The following SMARCE1 variants were observed in gnomAD, a reference collection of about 807,000 sequenced individuals.
SMARCE1 encodes the protein SWI/SNF-related matrix-associated actin-dependent regulator of chromatin subfamily E member 1.
In SMARCE1, 13 loss-of-function variants were observed where a neutral mutation model predicts 54.9. The ratio of observed to expected loss-of-function variants is 0.24; its 90% CI spans 0.15 to 0.38. The LOEUF is 0.38. Among genes scored for constraint, SMARCE1 ranks in the 10% least tolerant of loss-of-function variants. The pLI is 1.00. For synonymous variants in SMARCE1, 151 were observed against 175.3 expected, an observed-to-expected ratio of 0.86 and a Z score of 1.10; for missense variants, 295 against 523.8, an observed-to-expected ratio of 0.56 and a Z score of 4.26.
chr17:40,636,147 G>T (rs2037144068), intron 6 of SMARCE1, 45 bp from the exon 7 acceptor site: 1 of 1,484,704 alleles, frequency 6.7e-7, no homozygotes, highest in Non-Finnish European at 9.2e-7. Context: ...CATTTTGCAG[G>T]TTATAATGCA....
chr17:40,638,199 G>T (rs1265781005), intron 4 of SMARCE1, among the ~76,000 whole-genome samples: 1 of 152,156 alleles, frequency 6.6e-6, no homozygotes, highest in Non-Finnish European at 1.5e-5. Context: ...TGAATTAAAA[G>T]TCACACATTG....
chr17:40,638,730 G>A (rs538741451), intron 4 of SMARCE1, among the ~76,000 whole-genome samples: 1 of 152,156 alleles, frequency 6.6e-6, no homozygotes. Flanking sequence ...TGCTAGGCTG[G>A]AGAAATGAAG....
chr17:40,641,293 C>T (rs2037198240), intron 4 of SMARCE1: 1 of 152,176 alleles, frequency 6.6e-6, no homozygotes, highest in African/African-American at 2.4e-5. Context: ...GAAATGCATA[C>T]ATACACACAC....
chr17:40,645,434 T>C (rs866084396), intron 3 of SMARCE1, 142 bp downstream of exon 3: 2 of 521,552 alleles, frequency 3.8e-6, no homozygotes, highest in South Asian at 6.8e-5. Context: ...TTTTATTTAG[T>C]AGGAAGTGCT....
At chr17:40,646,518 T>C (rs886219774) in intron 1 of SMARCE1, among the ~76,000 whole-genome samples, 1 of 152,200 alleles carries the variant, frequency 6.6e-6, no homozygotes, top group African/African-American at 2.4e-5. Flanking sequence ...TCCTATACAG[T>C]TTACACAGAT....
Position 40,642,070 on chromosome 17 carries a change from A to G in SMARCE1, c.156+385T>C. ...CAGCCCTGAAAAAGCCAGGTCTGAA[A>G]GACCAGCCTCTACTAGAAACTCAAT... On this transcript the variant is annotated intron_variant, in intron 4 of 10. Coordinates refer to ENST00000348513, the MANE Select transcript of SMARCE1 (RefSeq NM_003079.5). This position sits in a 1 kb window ranked among gnomAD's most constrained non-coding sequence, Gnocchi z 4.6. 3.5e-6 allele frequency: 1 copy of G among 284,232 alleles called. No homozygotes were observed. The highest frequency in any genetic ancestry group is 5.3e-5 in the Admixed American group (1 of 18,830). The allele number at this position is 284,232 out of a possible 1,614,324, so 17.6% of individuals were successfully genotyped here. A position where few individuals can be genotyped will look rare whatever the true frequency, so the allele number is the denominator to read the frequency against.
chr17:40,643,708 G>A (rs2037221180), intron 3 of SMARCE1: 1 of 152,138 alleles, frequency 6.6e-6, no homozygotes, highest in African/African-American at 2.4e-5. Flanking sequence ...AGCTGTAGCT[G>A]TTACAAAATA....
chr17:40,631,137 A>G, intron 9 of SMARCE1: 4 of 510,524 alleles, frequency 7.8e-6, no homozygotes, highest in Non-Finnish European at 1.4e-5. Flanking sequence ...GCAGTTGTAT[A>G]ATATAGGATA....
rs2143988592 is a variant in SMARCE1, at chr17:40,632,354, G to A, written c.555C>T (p.Gly185=). 1 of 1,613,872 alleles carries A rather than the reference G, an allele frequency of 6.2e-7. No individual in the cohort carries two copies. The highest frequency in any genetic ancestry group is 1.1e-5 in the South Asian group (1 of 91,052). ...PAEDPDDYDD[G]FSMKHTATAR... ...CGGTGGCTGTATGCTTCATTGAAAA[G>A]CCATCATCATAATCTGGAGTGAACA... The change falls in exon 8 of 11, where the codon GGC becomes GGT. Residue 185 remains glycine, a synonymous_variant. Transcript: ENST00000348513.
chr17:40,638,923 T>C (rs1454833103), intron 4 of SMARCE1, among the ~76,000 whole-genome samples: 3 of 152,164 alleles, frequency 2.0e-5, no homozygotes, highest in Admixed American at 1.3e-4. Context: ...GGGATTAGCA[T>C]GTTTGTGTCC....
intron 10 of SMARCE1, 159 bp downstream of exon 10, chr17:40,630,555 A>G (rs2037082841): frequency 5.9e-6 from 4 of 681,364 alleles, no homozygotes; most frequent in Non-Finnish European, 1.1e-5. Flanking sequence ...AAGCATTTAA[A>G]GGTTAAAATA....
chr17:40,628,672 G>T lies in SMARCE1; in HGVS notation c.*113C>A. 1.3e-6 allele frequency: 1 copy of T among 756,912 alleles called. No individual in the cohort carries two copies. Among genetic ancestry groups the T allele is most frequent in the Non-Finnish European group, 2.2e-6 (1 of 453,532 alleles). The allele number at this position is 756,912 out of a possible 1,614,324, so 46.9% of individuals were successfully genotyped here. A position where few individuals can be genotyped will look rare whatever the true frequency, so the allele number is the denominator to read the frequency against. On this transcript the variant is annotated 3_prime_UTR_variant, in exon 11 of 11. Transcript: ENST00000348513. Reference sequence around the variant, plus strand: ...GCTAAATGGTCCAAAAGCCTTTGGTGGTGTGATATGGACAAGAAAAAAAAT... The same window carrying T: ...GCTAAATGGTCCAAAAGCCTTTGGTTGTGTGATATGGACAAGAAAAAAAAT...
In SMARCE1 at chr17:40,627,404, A is replaced by G. The variant is rs1175747160; in HGVS notation, c.*1381T>C. 1 of 152,230 alleles carries G rather than the reference A, an allele frequency of 6.6e-6. No homozygotes were observed. Among genetic ancestry groups the G allele is most frequent in the East Asian group, 1.9e-4 (1 of 5,198 alleles). 9.4% of individuals were successfully genotyped at this position (152,230 alleles called of 1,614,324 possible). A position where few individuals can be genotyped will look rare whatever the true frequency, so the allele number is the denominator to read the frequency against. On this transcript the variant is annotated 3_prime_UTR_variant, in exon 11 of 11. Coordinates refer to ENST00000348513, the MANE Select transcript of SMARCE1 (RefSeq NM_003079.5). ...TTATCATTTAGCCATTCTTTCAAAG[A>G]TAATTCAAACGTTACAGATTTCTCC... is the stretch of plus-strand genomic sequence containing the variant.
At position 40,645,848 on chromosome 17, in the gene SMARCE1, CTAAAA is replaced by C; in HGVS notation, c.-45-6_-45-2del. 1.2e-6 allele frequency: 1 copy of C among 847,416 alleles called. No homozygotes were observed. Among genetic ancestry groups the C allele is most frequent in the Non-Finnish European group, 1.6e-6 (1 of 611,766 alleles). The allele number at this position is 847,416 out of a possible 1,614,324, so 52.5% of individuals were successfully genotyped here. ...GTTCCTTAAGAATGAATCTGAGACA[CTAAAA>C]TAAAAAAAAAAGGAAAAAAAAAAGA... On this transcript the variant is annotated splice_acceptor_variant and splice_polypyrimidine_tract_variant and intron_variant, in intron 1 of 10. Transcript: ENST00000348513. LOFTEE classifies it low-confidence loss of function (5UTR_SPLICE).
rs2037064507 is a variant in SMARCE1 at position 40,629,073 on chromosome 17, CCAATA to C, written c.1028-85_1028-81del. The C allele has an allele frequency of 4.2e-6, 5 of 1,200,768 alleles. No homozygotes were observed. The Admixed American group carries it at 8.9e-5, about 21-fold the overall frequency. 74.4% of individuals were successfully genotyped at this position (1,200,768 alleles called of 1,614,324 possible). ...TGCTGACAGTATACAGCTGTGCTGT[CCAATA>C]TAGAAGCCACTAGCCACATGTGGTT... On this transcript the variant is annotated intron_variant, in intron 10 of 10. Transcript: ENST00000348513.
In SMARCE1 at chr17:40,642,696, C is replaced by T; in HGVS notation, c.52-137G>A. The T allele has an allele frequency of 1.7e-6, 1 of 588,904 alleles. No homozygotes were observed. The highest frequency in any genetic ancestry group is 3.0e-6 in the Non-Finnish European group (1 of 333,942). 36.5% of individuals were successfully genotyped at this position (588,904 alleles called of 1,614,324 possible). On this transcript the variant is annotated intron_variant, in intron 3 of 10. Coordinates refer to ENST00000348513, the MANE Select transcript of SMARCE1 (RefSeq NM_003079.5). The surrounding 1 kb of genome is among the most constrained non-coding windows in gnomAD (Gnocchi z 4.6). ...CAAGCAATGATGTGTTGTAATTGTT[C>T]TTTTTTTCCACTGAGGAAATTAAAT...
At chr17:40,646,347 T>C (rs1466146940) in intron 1 of SMARCE1, among the ~76,000 whole-genome samples, 1 of 152,232 alleles carries the variant, frequency 6.6e-6, no homozygotes, top group Non-Finnish European at 1.5e-5. Context: ...CTTCACATTC[T>C]CTTATAATGG....
At chr17:40,645,771 G>A in intron 2 of SMARCE1, 25 bp downstream of exon 2, 1 of 1,125,388 alleles carries the variant, frequency 8.9e-7, no homozygotes, top group Non-Finnish European at 1.2e-6. Context: ...AACATAGATT[G>A]ATAAATATAA....
At chr17:40,645,273 A>G (rs1334781208) in intron 3 of SMARCE1, 3 of 405,348 alleles carry the variant, frequency 7.4e-6, no homozygotes, top group Non-Finnish European at 1.3e-5. Flanking sequence ...GACTCTTAAT[A>G]GTGAAGATTA....
Sources: allele counts gnomAD v4.1 joint callset (sites outside exome capture counted in the v4.1 genomes callset), GRCh38; gene constraint gnomAD v4.1.1; non-coding constraint Gnocchi (gnomAD v3.1); transcripts MANE v1.5; gene names NCBI Gene and HGNC (gene_info 2026-07-23, HGNC 2026-07-21).